The following ELMO1 variants were observed in gnomAD, a reference collection of about 807,000 sequenced individuals.
ELMO1 encodes engulfment and cell motility protein 1.
Under a neutral mutation model 98.9 loss-of-function variants are expected in ELMO1, and 26 were observed. The observed-to-expected ratio is 0.26, with a 90% CI of 0.19 to 0.36. The LOEUF is 0.36. Ranked by LOEUF, ELMO1 falls within the 10% of genes least tolerant of loss-of-function variation. ELMO1 has a pLI of 1.00. For synonymous variants in ELMO1, 346 were observed against 346.0 expected, an observed-to-expected ratio of 1.00 and a Z score of 0.00; for missense variants, 627 against 935.2, an observed-to-expected ratio of 0.67 and a Z score of 4.30.
intron 13 of ELMO1, among the ~76,000 whole-genome samples, chr7:37,167,978 A>G (rs1441494671): frequency 6.6e-6 from 1 of 152,026 alleles, no homozygotes. Flanking sequence ...AGGTACACCA[A>G]TCAGACGTAG....
At chr7:37,046,134 C>T (rs1037728304) in intron 15 of ELMO1, among the ~76,000 whole-genome samples, 4 of 152,154 alleles carry the variant, frequency 2.6e-5, no homozygotes, top group African/African-American at 9.7e-5. Flanking sequence ...ATAAATAAGC[C>T]AAGAAAGAGT....
chr7:37,437,989 A>G (rs868720261), intron 1 of ELMO1, among the ~76,000 whole-genome samples: 7,147 of 15,808 alleles, frequency 0.45, 3,107 homozygotes, highest in African/African-American at 0.76. Context: ...CAAAAAAAAA[A>G]AAAAAAAAAA....
At chr7:37,009,202 G>A (rs528033895) in intron 16 of ELMO1, among the ~76,000 whole-genome samples, 29 of 152,084 alleles carry the variant, frequency 1.9e-4, no homozygotes, top group Non-Finnish European at 3.8e-4. Context: ...GGCTACTTGT[G>A]TGCTGAGGTA....
At chr7:37,031,086 G>T (rs1364065258) in intron 15 of ELMO1, among the ~76,000 whole-genome samples, 1 of 151,884 alleles carries the variant, frequency 6.6e-6, no homozygotes, top group African/African-American at 2.4e-5. Context: ...CTTTCCCACT[G>T]CCACTGACCT....
chr7:36,866,440 T>C (rs2129037266), intron 20 of ELMO1, among the ~76,000 whole-genome samples: 1 of 152,334 alleles, frequency 6.6e-6, no homozygotes, highest in South Asian at 2.1e-4. Context: ...AGTCCTGTGC[T>C]ATTTCAGGCA....
At chr7:37,246,927 C>T (rs1385558217) in intron 6 of ELMO1, among the ~76,000 whole-genome samples, 2 of 151,914 alleles carry the variant, frequency 1.3e-5, no homozygotes, top group Non-Finnish European at 2.9e-5. Flanking sequence ...TAATTGACTT[C>T]CTTTCCACTG....
intron 15 of ELMO1, among the ~76,000 whole-genome samples, chr7:37,016,901 C>T (rs1334620525): frequency 6.6e-6 from 1 of 152,212 alleles, no homozygotes; most frequent in Non-Finnish European, 1.5e-5. Context: ...TTCTGCTTCA[C>T]TTGCTTTCCT....
chr7:37,283,093 A>G (rs572690683), intron 4 of ELMO1, among the ~76,000 whole-genome samples: 28 of 152,334 alleles, frequency 1.8e-4, no homozygotes, highest in African/African-American at 6.5e-4. Context: ...CAAAAGGAGC[A>G]GACAGAGATG....
chr7:37,104,613 G>A (rs755542719), intron 14 of ELMO1, among the ~76,000 whole-genome samples: 5 of 152,308 alleles, frequency 3.3e-5, no homozygotes, highest in Admixed American at 1.3e-4. Context: ...AGAGAGAGGC[G>A]GCCATCCATG....
At chr7:37,057,723 T>C (rs529588436) in intron 15 of ELMO1, among the ~76,000 whole-genome samples, 3 of 152,332 alleles carry the variant, frequency 2.0e-5, no homozygotes, top group Admixed American at 1.3e-4. Flanking sequence ...CCACCATGAA[T>C]TGACCTCTGG....
intron 13 of ELMO1, among the ~76,000 whole-genome samples, chr7:37,199,061 C>CA (rs1792133721): frequency 1.3e-5 from 2 of 152,326 alleles, no homozygotes; most frequent in Admixed American, 1.3e-4. Context: ...GACCAGAGAA[C>CA]AGATTCAACC....
chr7:37,324,462 G>A (rs959215872), intron 2 of ELMO1, among the ~76,000 whole-genome samples: 2 of 152,156 alleles, frequency 1.3e-5, no homozygotes, highest in Admixed American at 1.3e-4. Context: ...AATGACATGG[G>A]GAAAATGTTC....
chr7:37,106,503 T>C (rs1037434718), intron 14 of ELMO1, among the ~76,000 whole-genome samples: 1 of 152,166 alleles, frequency 6.6e-6, no homozygotes, highest in African/African-American at 2.4e-5. Context: ...CGCTGATGCC[T>C]TAATCTTGGA....
At chr7:36,856,850 T>TC (rs1186284736) in intron 21 of ELMO1, among the ~76,000 whole-genome samples, 1 of 152,238 alleles carries the variant, frequency 6.6e-6, no homozygotes, top group African/African-American at 2.4e-5. Flanking sequence ...GAAGTGGTCT[T>TC]CCTTCTACCA....
In ELMO1 at chr7:36,897,343, T is replaced by TGC. The variant is rs1171609271; in HGVS notation, c.1438-2327_1438-2326insGC. 4.0e-3 allele frequency among the ~76,000 whole-genome samples: 609 copies of TGC among 151,834 alleles called. 18 individuals are homozygous for TGC. In the East Asian group the frequency reaches 0.076, roughly 19 times the overall value. On this transcript the variant is annotated intron_variant, in intron 16 of 21. Coordinates refer to ENST00000310758, the MANE Select transcript of ELMO1 (RefSeq NM_014800.11). ...AAACAGACGTGTGTGTGTGTGTGTG[T>TGC]GTGTGTGAAAGAGTGTTAATGGTTA...
intron 1 of ELMO1, among the ~76,000 whole-genome samples, chr7:37,354,865 A>T (rs1801431679): frequency 6.6e-6 from 1 of 152,190 alleles, no homozygotes; most frequent in Non-Finnish European, 1.5e-5. Flanking sequence ...ATCAAAAAAC[A>T]ATATGTGAAA....
chr7:37,332,111 A>G (rs900680503), intron 2 of ELMO1, among the ~76,000 whole-genome samples: 2 of 152,234 alleles, frequency 1.3e-5, no homozygotes, highest in African/African-American at 2.4e-5. Context: ...GGATTCATCC[A>G]TCATCATTTT....
intron 14 of ELMO1, among the ~76,000 whole-genome samples, chr7:37,113,522 T>C (rs1233423474): frequency 1.3e-5 from 2 of 152,034 alleles, no homozygotes; most frequent in Non-Finnish European, 2.9e-5. Context: ...CTAATGGAAG[T>C]GAGGCAATGA....
chr7:37,298,556 T>C (rs1186947880), intron 4 of ELMO1, among the ~76,000 whole-genome samples: 1 of 148,464 alleles, frequency 6.7e-6, no homozygotes, highest in Non-Finnish European at 1.5e-5. Context: ...ATGCGGTGTT[T>C]GGTTTTTTGT....
Sources: gnomAD v4.1 joint callset for allele counts (sites outside exome capture counted in the v4.1 genomes callset) on GRCh38, gnomAD v4.1.1 for gene constraint, MANE v1.5 for transcripts, NCBI Gene and HGNC (gene_info 2026-07-23, HGNC 2026-07-21) for gene names.